ZNF718: variants seen among roughly 807,000 people sequenced by gnomAD.
The protein encoded by ZNF718 is zinc finger protein 718.
A neutral mutation model predicts 2.6 loss-of-function variants in ZNF718; 3 were observed. The observed-to-expected ratio is 1.16, with a 90% confidence interval of 0.53 to 3.01. The LOEUF is 3.01. Ranked by LOEUF, ZNF718 falls within the 30% of genes most tolerant of loss-of-function variation. The pLI is 0.03. For missense variants in ZNF718, 468 were observed against 230.0 expected, an observed-to-expected ratio of 2.03 and a Z score of -6.69; for synonymous variants, 135 against 77.9, an observed-to-expected ratio of 1.73 and a Z score of -3.86.
At chr4:166,621 T>C (rs369636285), downstream of ZNF718, among the ~76,000 whole-genome samples, 12 of 152,372 alleles carry the variant, frequency 7.9e-5, no homozygotes, top group African/African-American at 2.9e-4. Context: ...CATTTTTTCA[T>C]GTGTCTCTTG....
intron 3 of ZNF718, among the ~76,000 whole-genome samples, chr4:148,597 T>G (rs1581442718): frequency 1.6e-5 from 2 of 126,884 alleles, no homozygotes; most frequent in African/African-American, 6.2e-5. Context: ...GGTGACAGAG[T>G]GAGACTCTGT....
At chr4:134,399 T>TC (rs1553808955) in intron 3 of ZNF718, among the ~76,000 whole-genome samples, 1 of 152,160 alleles carries the variant, frequency 6.6e-6, no homozygotes, top group Non-Finnish European at 1.5e-5. Context: ...CACCTCGGCC[T>TC]CCCAAAGTGC....
chr4:174,741 T>G (rs1293499933), intron 3 of ZNF718, among the ~76,000 whole-genome samples: 1 of 152,170 alleles, frequency 6.6e-6, no homozygotes, highest in African/African-American at 2.4e-5. Context: ...TAGAAAAAAT[T>G]CAAGTAATTT....
At chr4:148,603 T>C (rs1467636743) in intron 3 of ZNF718, among the ~76,000 whole-genome samples, 1 of 128,366 alleles carries the variant, frequency 7.8e-6, no homozygotes. Context: ...AGAGTGAGAC[T>C]CTGTCTCAAA....
intron 3 of ZNF718, among the ~76,000 whole-genome samples, chr4:138,210 G>T (rs1012061513): frequency 6.6e-6 from 1 of 152,142 alleles, no homozygotes. Context: ...GTCACTCTGT[G>T]TACTAGCAAC....
At chr4:194,549 A>C (rs1717754402) in intron 3 of ZNF718, among the ~76,000 whole-genome samples, 1 of 152,208 alleles carries the variant, frequency 6.6e-6, no homozygotes, top group Non-Finnish European at 1.5e-5. Flanking sequence ...GAGATCGCCA[A>C]ACTCTCAGGC....
chr4:191,867 C>T (rs1265903449), intron 3 of ZNF718, among the ~76,000 whole-genome samples: 1 of 152,202 alleles, frequency 6.6e-6, no homozygotes, highest in Admixed American at 6.5e-5. Context: ...TATTCTCTGA[C>T]CTGGGGTTCT....
intron 3 of ZNF718, among the ~76,000 whole-genome samples, chr4:195,805 G>A (rs1027694769): frequency 4.6e-5 from 7 of 152,112 alleles, no homozygotes; most frequent in Non-Finnish European, 7.4e-5. Flanking sequence ...CCTTGTTTAC[G>A]CTGACAACAA....
chr4:131,902 G>A lies in ZNF718; in HGVS notation c.226+397G>A, dbSNP rs1715358034. ...CTACTAAAAATACAAAAAATTAGCC[G>A]GGTGTGGTGGCGGGCGCCTGTAGTC... On this transcript the variant is annotated intron_variant, in intron 3 of 3. Transcript: ENST00000510175. Among the ~76,000 whole-genome samples, 2 of 101,140 alleles carry A rather than the reference G, an allele frequency of 2.0e-5. 1 individual carries two copies. Among genetic ancestry groups the A allele is most frequent in the Admixed American group, 2.1e-4 (2 of 9,362 alleles). The allele number at this position is 101,140 out of a possible 152,430, so 66.4% of individuals were successfully genotyped here.
In ZNF718 at chr4:161,982, A is replaced by G; in HGVS notation, c.1297A>G (p.Lys433Glu). The change falls in exon 4 of 4, where the codon AAA becomes GAA. Residue 433 changes from lysine (K) to glutamate (E), a missense_variant. Physicochemically the swap from Lys to Glu is moderately conservative, Grantham distance 56 (BLOSUM62 1). Transcript: ENST00000510175. The part of the protein sequence containing the change: ...YICKQCGKAF[K>E]QSSHLNKHKK... ...ATGTAAACAATGTGGCAAAGCCTTT[A>G]AACAGTCCTCACACTTGAATAAACA... 1 of 780,108 alleles carries G rather than the reference A, an allele frequency of 1.3e-6. No individual in the cohort carries two copies. The highest frequency in any genetic ancestry group is 1.3e-5 in the South Asian group (1 of 74,550). 48.3% of individuals were successfully genotyped at this position (780,108 alleles called of 1,614,324 possible).
intron 3 of ZNF718, among the ~76,000 whole-genome samples, chr4:136,780 T>C (rs187564785): frequency 3.7e-4 from 57 of 152,380 alleles, no homozygotes; most frequent in African/African-American, 1.3e-3. Context: ...ATATTTTCAT[T>C]TGAAGCTAAG....
chr4:140,169 C>T (rs1342901858), intron 3 of ZNF718, among the ~76,000 whole-genome samples: 4 of 152,074 alleles, frequency 2.6e-5, no homozygotes, highest in Admixed American at 6.5e-5. Flanking sequence ...AAGGCCCACC[C>T]GGCATCCAGT....
intron 3 of ZNF718, among the ~76,000 whole-genome samples, chr4:150,910 A>C (rs576576441): frequency 1.1e-4 from 17 of 150,166 alleles, no homozygotes; most frequent in Non-Finnish European, 2.4e-4. Context: ...GTGTGTGTGT[A>C]GTCATCAACA....
At chr4:148,633 A>G (rs1716179154) in intron 3 of ZNF718, among the ~76,000 whole-genome samples, 1 of 148,030 alleles carries the variant, frequency 6.8e-6, no homozygotes, top group Admixed American at 6.8e-5. Context: ...AAAAAAAAAA[A>G]TCCACCATTG....
intron 3 of ZNF718, among the ~76,000 whole-genome samples, chr4:194,780 A>G (rs782436518): frequency 3.3e-5 from 5 of 152,324 alleles, no homozygotes; most frequent in Non-Finnish European, 7.4e-5. Context: ...TCCAGAATAC[A>G]TCTTAGGGGC....
intron 3 of ZNF718, among the ~76,000 whole-genome samples, chr4:155,244 C>A (rs1716511605): frequency 6.6e-6 from 1 of 152,184 alleles, no homozygotes; most frequent in Non-Finnish European, 1.5e-5. Flanking sequence ...TTGGAGCCCC[C>A]ACACAGAGTC....
At chr4:151,440 A>C (rs954510298) in intron 3 of ZNF718, among the ~76,000 whole-genome samples, 1 of 149,190 alleles carries the variant, frequency 6.7e-6, no homozygotes, top group Non-Finnish European at 1.5e-5. Context: ...AATAACAGTC[A>C]TTCTCACTGG....
chr4:196,020 CCT>C (rs570654964), intron 3 of ZNF718, among the ~76,000 whole-genome samples: 10 of 151,502 alleles, frequency 6.6e-5, no homozygotes, highest in Non-Finnish European at 7.4e-5. Context: ...CTCTCTCTCC[CCT>C]CTCTCTCTCC....
intron 3 of ZNF718, among the ~76,000 whole-genome samples, chr4:182,155 AT>A (rs1717480044): frequency 6.6e-6 from 1 of 152,120 alleles, no homozygotes; most frequent in South Asian, 2.1e-4. Flanking sequence ...TAATGAAACA[AT>A]TTATAATCCT....
Sources: allele counts gnomAD v4.1 joint callset (sites outside exome capture counted in the v4.1 genomes callset), GRCh38; gene constraint gnomAD v4.1.1; transcripts MANE v1.5; gene names NCBI Gene and HGNC (gene_info 2026-07-23, HGNC 2026-07-21).